The following ZBTB7C variants were observed in gnomAD, a reference collection of about 807,000 sequenced individuals.
ZBTB7C encodes zinc finger and BTB domain-containing protein 7C.
ZBTB7C carries 8 observed loss-of-function variants against 25.7 expected under a neutral mutation model. That is an observed-to-expected ratio of 0.31 (90% CI 0.18 to 0.56). The LOEUF is 0.56. ZBTB7C is among the 20% of genes least tolerant of loss of function. ZBTB7C has a pLI of 0.91. For synonymous variants in ZBTB7C, 394 were observed against 369.0 expected (o/e 1.07, Z -0.78); for missense variants, 824 against 855.2 (o/e 0.96, Z 0.46).
rs190562408 is a variant in ZBTB7C, at chr18:48,207,680, C to T, written c.-78-21685G>A. Among the ~76,000 whole-genome samples, 21 of 152,078 alleles carry T rather than the reference C, an allele frequency of 1.4e-4. No homozygotes were observed. In the East Asian group the frequency reaches 1.9e-3, roughly 14 times the overall value. On this transcript the variant is annotated intron_variant, in intron 2 of 4. Coordinates refer to ENST00000590800, the MANE Select transcript of ZBTB7C (RefSeq NM_001318841.2). Reference sequence around the variant, plus strand: ...TGTTGCCCAGGCTGGTCTTGAACTCCGGAGCTCAAGCAATCCTCCCACCTC... The same window carrying T: ...TGTTGCCCAGGCTGGTCTTGAACTCTGGAGCTCAAGCAATCCTCCCACCTC...
At chr18:48,386,263 C>G (rs2047745074) in intron 1 of ZBTB7C, among the ~76,000 whole-genome samples, 1 of 152,220 alleles carries the variant, frequency 6.6e-6, no homozygotes, top group South Asian at 2.1e-4. Context: ...TCACTAATAG[C>G]AAGAATCTTC....
At chr18:48,121,188 C>T (rs542671322) in intron 3 of ZBTB7C, among the ~76,000 whole-genome samples, 27 of 152,304 alleles carry the variant, frequency 1.8e-4, no homozygotes, top group African/African-American at 6.5e-4. Flanking sequence ...CAGGCCATAA[C>T]CCAGGAATTG....
intron 1 of ZBTB7C, among the ~76,000 whole-genome samples, chr18:48,370,252 T>A (rs977709925): frequency 1.6e-4 from 24 of 152,108 alleles, no homozygotes; most frequent in African/African-American, 5.8e-4. Context: ...AAGAACAAAC[T>A]ATTGATACAT....
chr18:48,093,676 G>C (rs2038507559), intron 3 of ZBTB7C, among the ~76,000 whole-genome samples: 1 of 152,100 alleles, frequency 6.6e-6, no homozygotes, highest in Admixed American at 6.5e-5. Flanking sequence ...TCATAGAAGA[G>C]GCAACAAACT....
intron 3 of ZBTB7C, among the ~76,000 whole-genome samples, chr18:48,119,934 G>A (rs2039571977): frequency 6.6e-6 from 1 of 152,182 alleles, no homozygotes; most frequent in East Asian, 1.9e-4. Context: ...GTTGGCATGA[G>A]GTTGAAGGGA....
chr18:48,122,607 G>A (rs2039667347), intron 3 of ZBTB7C, among the ~76,000 whole-genome samples: 1 of 152,194 alleles, frequency 6.6e-6, no homozygotes, highest in African/African-American at 2.4e-5. Context: ...TAATCCCTGT[G>A]ATTACTGACT....
intron 3 of ZBTB7C, among the ~76,000 whole-genome samples, chr18:48,102,618 A>G (rs922285330): frequency 6.6e-6 from 1 of 151,862 alleles, no homozygotes; most frequent in Admixed American, 6.6e-5. Context: ...GAGAAAGTAG[A>G]CAGGGCATGC....
At position 48,040,276 on chromosome 18, in the gene ZBTB7C, C is replaced by A; in HGVS notation, c.832G>T (p.Gly278Trp). The A allele has an allele frequency of 6.4e-7, 1 of 1,562,430 alleles. No homozygotes were observed. The highest frequency in any genetic ancestry group is 8.6e-7 in the Non-Finnish European group (1 of 1,156,422). The change falls in exon 4 of 5, where the codon GGG becomes TGG. Residue 278 changes from glycine (G) to tryptophan (W), a missense_variant. This residue lies in a region of ZBTB7C where 316 missense variants were observed against 299.2 expected (regional missense o/e 1.06). Coordinates refer to ENST00000590800, the MANE Select transcript of ZBTB7C (RefSeq NM_001318841.2). ...TTCTTGATGACCAGATCCAGTGGCC[C>A]ACTGTCCATGGGCTGCTCAGGCAGC... ...AQLPEQPMDS[G>W]PLDLVIKNRK...
At chr18:48,261,122 G>A (rs1038778398) in intron 2 of ZBTB7C, among the ~76,000 whole-genome samples, 4 of 152,148 alleles carry the variant, frequency 2.6e-5, no homozygotes, top group African/African-American at 4.8e-5. Context: ...GGGCAACAGC[G>A]GAATGTTTTA....
intron 2 of ZBTB7C, among the ~76,000 whole-genome samples, chr18:48,315,468 AC>A (rs1383907999): frequency 6.6e-6 from 1 of 151,886 alleles, no homozygotes; most frequent in African/African-American, 2.4e-5. Context: ...ACTCCCTGCA[AC>A]CCCTGCCTGG....
At chr18:48,266,074 A>C (rs1413850663) in intron 2 of ZBTB7C, among the ~76,000 whole-genome samples, 1 of 152,188 alleles carries the variant, frequency 6.6e-6, no homozygotes, top group Non-Finnish European at 1.5e-5. Flanking sequence ...CAAATGGTTC[A>C]GGGGTGAGGG....
intron 3 of ZBTB7C, among the ~76,000 whole-genome samples, chr18:48,077,968 G>A (rs1160784970): frequency 3.4e-5 from 5 of 147,210 alleles, no homozygotes; most frequent in African/African-American, 1.2e-4. Flanking sequence ...ACATGAGGGA[G>A]AGTCTTGGGG....
At chr18:48,177,822 T>A (rs2041735485) in intron 3 of ZBTB7C, among the ~76,000 whole-genome samples, 2 of 152,124 alleles carry the variant, frequency 1.3e-5, no homozygotes, top group Admixed American at 1.3e-4. Context: ...TGGCCTCCTG[T>A]CAGCTCAGCC....
At chr18:48,310,802 C>T (rs1314779677) in intron 2 of ZBTB7C, among the ~76,000 whole-genome samples, 1 of 152,210 alleles carries the variant, frequency 6.6e-6, no homozygotes, top group Non-Finnish European at 1.5e-5. Context: ...GCAACTCAGG[C>T]TGGCAGCAAT....
At position 48,028,853 on chromosome 18, in the gene ZBTB7C, G is replaced by T; in HGVS notation, c.*407C>A. 5.0e-6 allele frequency: 1 copy of T among 198,936 alleles called. No individual in the cohort carries two copies. The allele number at this position is 198,936 out of a possible 1,614,324, so 12.3% of individuals were successfully genotyped here. A position where few individuals can be genotyped will look rare whatever the true frequency, so the allele number is the denominator to read the frequency against. On this transcript the variant is annotated 3_prime_UTR_variant, in exon 5 of 5. Coordinates refer to ENST00000590800, the MANE Select transcript of ZBTB7C (RefSeq NM_001318841.2). Reference sequence around the variant, plus strand: ...GCAGAGACTTTGCCATAGGGGGTGGGGCTTAACCAAGGTGCATGCCCAGCC... The same window carrying T: ...GCAGAGACTTTGCCATAGGGGGTGGTGCTTAACCAAGGTGCATGCCCAGCC...
At chr18:48,304,785 G>A (rs1428458279) in intron 2 of ZBTB7C, among the ~76,000 whole-genome samples, 1 of 136,616 alleles carries the variant, frequency 7.3e-6, no homozygotes, top group East Asian at 2.2e-4. Flanking sequence ...AGGTTGCAGT[G>A]AGCCGAGATC....
At chr18:48,255,338 T>C (rs988456042) in intron 2 of ZBTB7C, among the ~76,000 whole-genome samples, 7 of 152,184 alleles carry the variant, frequency 4.6e-5, no homozygotes, top group African/African-American at 1.7e-4. Context: ...GAAAGTAAGA[T>C]ATAAAAAGAC....
chr18:48,065,121 C>T (rs1018937470), intron 3 of ZBTB7C, among the ~76,000 whole-genome samples: 3 of 152,200 alleles, frequency 2.0e-5, no homozygotes, highest in African/African-American at 7.2e-5. Context: ...CAGTGCCCCC[C>T]GCCCCCTCCC....
chr18:48,041,742 T>C lies in ZBTB7C; in HGVS notation c.-16-619A>G, dbSNP rs2036251086. Among the ~76,000 whole-genome samples, 4 of 151,892 alleles carry C rather than the reference T, an allele frequency of 2.6e-5. No homozygotes were observed. In the South Asian group the frequency reaches 8.3e-4, roughly 32 times the overall value. On this transcript the variant is annotated intron_variant, in intron 3 of 4. Transcript: ENST00000590800. ...CTTCCATTTGTAAATCTTGATCCTT[T>C]TTTTAAAAAAAAAACACTAACTTCC...
Sources: allele counts gnomAD v4.1 joint callset (sites outside exome capture counted in the v4.1 genomes callset), GRCh38; gene constraint gnomAD v4.1.1; regional missense constraint gnomAD v4.1.1; transcripts MANE v1.5; gene names NCBI Gene and HGNC (gene_info 2026-07-23, HGNC 2026-07-21).